MGAT5: variants seen among roughly 807,000 people sequenced by gnomAD.
The protein encoded by MGAT5 is alpha-1,6-mannosylglycoprotein 6-beta-N-acetylglucosaminyltransferase A.
Under a neutral mutation model 94.3 loss-of-function variants are expected in MGAT5, and 30 were observed. The observed-to-expected ratio is 0.32, with a 90% CI of 0.24 to 0.43. The LOEUF (loss-of-function observed/expected upper bound fraction) is 0.43, where lower values mean the gene tolerates loss of function less well. Among genes scored for constraint, MGAT5 ranks in the 20% least tolerant of loss-of-function variants. MGAT5 has a pLI of 1.00. For synonymous variants in MGAT5, 310 were observed against 322.9 expected (o/e 0.96, Z 0.43); for missense variants, 691 against 905.5 (o/e 0.76, Z 3.04).
intron 1 of MGAT5, among the ~76,000 whole-genome samples, chr2:134,208,405 A>T (rs1558988797): frequency 6.6e-6 from 1 of 152,336 alleles, no homozygotes; most frequent in East Asian, 1.9e-4. Context: ...AAACCTTATT[A>T]GACCATCCTG....
intron 1 of MGAT5, among the ~76,000 whole-genome samples, chr2:134,182,780 G>GTTTTTTT (rs5834402): frequency 9.2e-5 from 8 of 87,052 alleles, no homozygotes; most frequent in African/African-American, 1.8e-4. Context: ...TAGAAGATTA[G>GTTTTTTT]TTTTTTTTTT....
chr2:134,404,131 T>G (rs1370477012), intron 11 of MGAT5, among the ~76,000 whole-genome samples: 8 of 152,246 alleles, frequency 5.3e-5, no homozygotes, highest in Admixed American at 5.2e-4. Context: ...AGCTGCAATG[T>G]GCTAGGCGTT....
At chr2:134,422,510 G>A (rs947033075) in intron 12 of MGAT5, among the ~76,000 whole-genome samples, 1 of 152,128 alleles carries the variant, frequency 6.6e-6, no homozygotes, top group Non-Finnish European at 1.5e-5. Context: ...CTGGGTTCTG[G>A]GTAGGAGAAA....
chr2:134,285,240 G>C (rs1419322526), intron 2 of MGAT5, among the ~76,000 whole-genome samples: 1 of 151,724 alleles, frequency 6.6e-6, no homozygotes, highest in Non-Finnish European at 1.5e-5. Context: ...CTGTTTTCTA[G>C]AGCACTGTCA....
At chr2:134,126,896 T>C (rs1223487761) in intron 1 of MGAT5, among the ~76,000 whole-genome samples, 1 of 152,172 alleles carries the variant, frequency 6.6e-6, no homozygotes, top group Non-Finnish European at 1.5e-5. Context: ...TTTTTTTTTT[T>C]TTAAACCATC....
At chr2:134,161,012 G>A (rs895699412) in intron 1 of MGAT5, among the ~76,000 whole-genome samples, 4 of 152,220 alleles carry the variant, frequency 2.6e-5, no homozygotes, top group Non-Finnish European at 4.4e-5. Flanking sequence ...TGAGCCCCGC[G>A]GCAGGCTCTG....
At chr2:134,403,872 G>A (rs1012471242) in intron 11 of MGAT5, among the ~76,000 whole-genome samples, 58 of 152,332 alleles carry the variant, frequency 3.8e-4, no homozygotes, top group African/African-American at 1.4e-3. Context: ...GGAGGTAGCC[G>A]GGCAAGCCCT....
chr2:134,242,724 T>C (rs945664425), intron 1 of MGAT5, among the ~76,000 whole-genome samples: 1 of 152,172 alleles, frequency 6.6e-6, no homozygotes, highest in Non-Finnish European at 1.5e-5. Flanking sequence ...CGAGTAGCAA[T>C]GTTATAGAGG....
intron 4 of MGAT5, among the ~76,000 whole-genome samples, chr2:134,322,682 G>A (rs1318726111): frequency 6.6e-6 from 1 of 152,114 alleles, no homozygotes; most frequent in Non-Finnish European, 1.5e-5. Flanking sequence ...TGGCTTTGTA[G>A]GAGCTGTTGG....
chr2:134,387,255 C>T (rs1682045358), intron 10 of MGAT5, among the ~76,000 whole-genome samples: 1 of 134,288 alleles, frequency 7.4e-6, no homozygotes, highest in African/African-American at 2.8e-5. Context: ...GAGTGAACTC[C>T]ATCTCAAAAA....
Position 134,189,592 on chromosome 2 carries a change from G to GTTTTTTTTTTTTTTTT in MGAT5, c.-142-64661_-142-64660insTTTTTTTTTTTTTTTT, listed in dbSNP as rs113582076. ...ACATATGACTAACCTCATGGCTCTA[G>GTTTTTTTTTTTTTTTT]TTTTTTTTTGTTTTTTTTTTTTTTT... On this transcript the variant is annotated intron_variant, in intron 1 of 16. Transcript: ENST00000409645. Among the ~76,000 whole-genome samples, 48 of 56,274 alleles carry GTTTTTTTTTTTTTTTT rather than the reference G, an allele frequency of 8.5e-4. 1 individual carries two copies. The highest frequency in any genetic ancestry group is 1.8e-3 in the African/African-American group (29 of 16,100). 36.9% of individuals were successfully genotyped at this position (56,274 alleles called of 152,430 possible).
At chr2:134,121,212 T>A (rs1685570238) in intron 1 of MGAT5, among the ~76,000 whole-genome samples, 1 of 152,142 alleles carries the variant, frequency 6.6e-6, no homozygotes, top group Non-Finnish European at 1.5e-5. Flanking sequence ...ACAGCCGGGA[T>A]TGGGGGCGTG....
At chr2:134,425,781 C>T (rs111524493) in intron 13 of MGAT5, among the ~76,000 whole-genome samples, 2,778 of 151,934 alleles carry the variant, frequency 0.018, 81 homozygotes, top group African/African-American at 0.063. Context: ...AGGAGGGAGG[C>T]CAAGAAGAGA....
At chr2:134,282,243 G>A (rs990527897) in intron 2 of MGAT5, among the ~76,000 whole-genome samples, 7 of 152,212 alleles carry the variant, frequency 4.6e-5, no homozygotes, top group African/African-American at 1.7e-4. Context: ...AGGGCAGAAG[G>A]CCATTATTAG....
At chr2:134,371,021 C>T (rs1680761798) in intron 10 of MGAT5, among the ~76,000 whole-genome samples, 1 of 134,850 alleles carries the variant, frequency 7.4e-6, no homozygotes, top group South Asian at 2.1e-4. Context: ...CTGGTCCATT[C>T]CCTGTTTCAG....
At position 134,336,250 on chromosome 2, in the gene MGAT5, G is replaced by A. The variant is rs758722833; in HGVS notation, c.607G>A (p.Ala203Thr). 1 of 1,612,594 alleles carries A rather than the reference G, an allele frequency of 6.2e-7. No individual in the cohort carries two copies. The highest frequency in any genetic ancestry group is 2.2e-5 in the East Asian group (1 of 44,766). Reference sequence around the variant, plus strand: ...TTGGTGTCCTCATTTACCTTGGAGAGCAAAAAATCCCTACGAAGAAGCTGA... The same window carrying A: ...TTGGTGTCCTCATTTACCTTGGAGAACAAAAAATCCCTACGAAGAAGCTGA... ...ENWCPHLPWR[A>T]KNPYEEADHN... Residue 203 changes from alanine to threonine, a missense_variant, in exon 5 of 16, where the codon GCA (alanine) becomes ACA (threonine). Ala to Thr is a moderately conservative substitution (Grantham distance 58). This residue lies in a region of MGAT5 where 307 missense variants were observed against 335.4 expected (regional missense o/e 0.92). Transcript: ENST00000281923.
At chr2:134,242,932 A>G (rs892597284) in intron 1 of MGAT5, among the ~76,000 whole-genome samples, 6 of 151,898 alleles carry the variant, frequency 4.0e-5, no homozygotes, top group Admixed American at 2.0e-4. Flanking sequence ...CTGGCTACTC[A>G]GGCAGGGCAT....
intron 1 of MGAT5, among the ~76,000 whole-genome samples, chr2:134,247,359 TA>T (rs34029606): frequency 0.12 from 11,085 of 91,562 alleles, 1,087 homozygotes; most frequent in African/African-American, 0.3. Flanking sequence ...GGGCCTGAAT[TA>T]AAAAAAAAAA....
intron 1 of MGAT5, among the ~76,000 whole-genome samples, chr2:134,203,308 A>C (rs1679884835): frequency 6.6e-6 from 1 of 152,154 alleles, no homozygotes; most frequent in Admixed American, 6.5e-5. Context: ...AGATTCAGCA[A>C]GTGTGAGGTA....
Sources: gnomAD v4.1 joint callset for allele counts (sites outside exome capture counted in the v4.1 genomes callset) on GRCh38, gnomAD v4.1.1 for gene constraint, gnomAD v4.1.1 regional missense constraint, MANE v1.5 for transcripts, NCBI Gene and HGNC (gene_info 2026-07-23, HGNC 2026-07-21) for gene names.